Variants in KMT2C observed in about 807,000 individuals in gnomAD.
KMT2C encodes the protein lysine methyltransferase 2C, also known as histone-lysine N-methyltransferase 2C.
Under a neutral mutation model 507.9 loss-of-function variants are expected in KMT2C, and 88 were observed. That is an observed-to-expected ratio of 0.17 (90% CI 0.15 to 0.21). The LOEUF (loss-of-function observed/expected upper bound fraction) is 0.21. Ranked by LOEUF, KMT2C falls within the 10% of genes least tolerant of loss-of-function variation. The pLI is 1.00. For synonymous variants in KMT2C, 2,049 were observed against 2,080.8 expected, an observed-to-expected ratio of 0.98 and a Z score of 0.42; for missense variants, 4,954 against 5,957.8, an observed-to-expected ratio of 0.83 and a Z score of 5.55.
Position 152,315,090 on chromosome 7 carries a change from T to C in KMT2C, c.590+48A>G, listed in dbSNP as rs535839013. 3.0e-5 allele frequency: 43 copies of C among 1,423,404 alleles called. No homozygotes were observed. In the South Asian group the frequency reaches 4.3e-4, roughly 14 times the overall value. 88.2% of individuals were successfully genotyped at this position (1,423,404 alleles called of 1,614,324 possible). On this transcript the variant is annotated intron_variant, in intron 4 of 58. Transcript: ENST00000262189. ...TATAAACATTATAATGGAAATAAAT[T>C]ATATGCAGTCTTAATCTATTCCAAC...
At chr7:152,408,444 T>C (rs1187503479) in intron 1 of KMT2C, among the ~76,000 whole-genome samples, 2 of 152,342 alleles carry the variant, frequency 1.3e-5, no homozygotes, top group East Asian at 1.9e-4. Context: ...GTACTCAGGG[T>C]TCCCCCCACC....
At position 152,138,943 on chromosome 7, in the gene KMT2C, G is replaced by A. The variant is rs2129089364; in HGVS notation, c.14535-39C>T. The A allele has an allele frequency of 6.9e-7, 1 of 1,458,894 alleles. No homozygotes were observed. Among genetic ancestry groups the A allele is most frequent in the Non-Finnish European group, 9.6e-7 (1 of 1,039,734 alleles). 90.4% of individuals were successfully genotyped at this position (1,458,894 alleles called of 1,614,324 possible). On this transcript the variant is annotated intron_variant, in intron 57 of 58. Coordinates refer to ENST00000262189, the MANE Select transcript of KMT2C (RefSeq NM_170606.3). This position sits in a 1 kb window ranked among gnomAD's most constrained non-coding sequence, Gnocchi z 4.2. The stretch of plus-strand genomic sequence containing the variant: ...TGTCAGAAAACTGTATTGTAAAACA[G>A]CTAGAAGCAGCTTTAAAAACTTCCC...
At chr7:152,416,783 G>A (rs1194151125) in intron 1 of KMT2C, among the ~76,000 whole-genome samples, 1 of 150,724 alleles carries the variant, frequency 6.6e-6, no homozygotes, top group Non-Finnish European at 1.5e-5. Context: ...CGGGCACGGT[G>A]GCTCACACCT....
At chr7:152,185,961 T>TAAACATC (rs2093614500) in intron 33 of KMT2C, among the ~76,000 whole-genome samples, 1 of 152,192 alleles carries the variant, frequency 6.6e-6, no homozygotes, top group Non-Finnish European at 1.5e-5. Flanking sequence ...AAGTACAAGT[T>TAAACATC]TGTAAAACAT....
chr7:152,196,080 C>T (rs2093953026), intron 27 of KMT2C, 69 bp from the exon 28 acceptor site: 1 of 852,880 alleles, frequency 1.2e-6, no homozygotes, highest in African/African-American at 1.7e-5. Context: ...TGCTAAAAAC[C>T]TAGAGTACAG....
At chr7:152,423,089 C>G (rs1245517161) in intron 1 of KMT2C, among the ~76,000 whole-genome samples, 1 of 151,192 alleles carries the variant, frequency 6.6e-6, no homozygotes, top group African/African-American at 2.4e-5. Context: ...GCCTGTAATT[C>G]CAAAACTTTG....
At position 152,301,012 on chromosome 7, in the gene KMT2C, C is replaced by T. The variant is rs531872366; in HGVS notation, c.849+8954G>A. 4.3e-4 allele frequency among the ~76,000 whole-genome samples: 65 copies of T among 151,644 alleles called. 1 individual carries two copies. The highest frequency in any genetic ancestry group is 1.5e-3 in the African/African-American group (63 of 41,354). ...GGCAGAGGTTGCAGTAAGCCGAGATCGCGCCACTGCACTCCAGCCTGGTGA... is the reference window on the plus strand; with the variant it reads ...GGCAGAGGTTGCAGTAAGCCGAGATTGCGCCACTGCACTCCAGCCTGGTGA... On this transcript the variant is annotated intron_variant, in intron 6 of 58. Transcript: ENST00000262189.
At chr7:152,373,860 C>T (rs1168281985) in intron 1 of KMT2C, among the ~76,000 whole-genome samples, 2 of 152,004 alleles carry the variant, frequency 1.3e-5, no homozygotes, top group Non-Finnish European at 2.9e-5. Flanking sequence ...ATAAAGTATC[C>T]TGAGACACAA....
At chr7:152,230,622 T>C (rs999754569) in intron 16 of KMT2C, among the ~76,000 whole-genome samples, 3 of 152,164 alleles carry the variant, frequency 2.0e-5, no homozygotes, top group Non-Finnish European at 4.4e-5. Context: ...TAAATGATAA[T>C]ATATGTATGT....
intron 1 of KMT2C, among the ~76,000 whole-genome samples, chr7:152,410,668 GTATATA>G (rs916415354): frequency 3.4e-5 from 5 of 148,552 alleles, no homozygotes; most frequent in South Asian, 2.1e-4. Context: ...ATGAGATTAT[GTATATA>G]TGTATATGTA....
chr7:152,434,256 A>C (rs1351295944), intron 1 of KMT2C, among the ~76,000 whole-genome samples: 1 of 152,220 alleles, frequency 6.6e-6, no homozygotes, highest in African/African-American at 2.4e-5. Flanking sequence ...AATAATGTAC[A>C]CACATCCTGT....
At chr7:152,269,797 A>T (rs2095927172) in intron 7 of KMT2C, among the ~76,000 whole-genome samples, 1 of 152,218 alleles carries the variant, frequency 6.6e-6, no homozygotes, top group Non-Finnish European at 1.5e-5. Context: ...AAAGGGAGCA[A>T]GGTTCTTATG....
At chr7:152,196,615 CTCAGAGGGCTTACTT>C in intron 27 of KMT2C, among the ~76,000 whole-genome samples, 1 of 152,176 alleles carries the variant, frequency 6.6e-6, no homozygotes, top group Non-Finnish European at 1.5e-5. Flanking sequence ...AGTGCCTGCC[CTCAGAGGGCTTACTT>C]TCTCAGGGGG....
intron 14 of KMT2C, among the ~76,000 whole-genome samples, chr7:152,246,148 A>T (rs1407725004): frequency 6.6e-6 from 1 of 152,194 alleles, no homozygotes; most frequent in East Asian, 1.9e-4. Context: ...TGGAAGATCT[A>T]TCTTGTACTA....
At chr7:152,263,208 A>C in intron 8 of KMT2C, 78 bp from the exon 9 acceptor site, 1 of 1,285,484 alleles carries the variant, frequency 7.8e-7, no homozygotes. Flanking sequence ...GAAAATAATC[A>C]GTCCTGGGAA....
rs544407818 is a variant in KMT2C, at chr7:152,418,981, C to T, written c.161+16645G>A. On this transcript the variant is annotated intron_variant, in intron 1 of 58. Transcript: ENST00000262189. ...GGCCAAGGTGGGAGGATCACTTGAG[C>T]CTAGGAGTTTGAGACCAGCCTGGGT... 3.9e-5 allele frequency among the ~76,000 whole-genome samples: 6 copies of T among 152,056 alleles called. No homozygotes were observed. In the East Asian group the frequency reaches 9.6e-4, roughly 24 times the overall value.
intron 42 of KMT2C, 41 bp downstream of exon 42, chr7:152,167,104 AT>A (rs1354161130): frequency 1.4e-6 from 2 of 1,472,504 alleles, no homozygotes; most frequent in Non-Finnish European, 1.9e-6. Flanking sequence ...CATTCTACTC[AT>A]TAATTGTTGG....
intron 1 of KMT2C, among the ~76,000 whole-genome samples, chr7:152,396,923 G>A (rs1039259067): frequency 6.6e-5 from 10 of 152,064 alleles, no homozygotes; most frequent in Non-Finnish European, 5.9e-5. Context: ...ATGTCCACAC[G>A]TACAAATACA....
intron 31 of KMT2C, among the ~76,000 whole-genome samples, 198 bp from the exon 32 acceptor site, chr7:152,188,045 T>C (rs112702795): frequency 4.2e-4 from 64 of 152,272 alleles, no homozygotes; most frequent in African/African-American, 1.1e-3. Context: ...CCAAGCTCCA[T>C]AGGGCCAACA....
Sources: allele counts gnomAD v4.1 joint callset (sites outside exome capture counted in the v4.1 genomes callset), GRCh38; gene constraint gnomAD v4.1.1; non-coding constraint Gnocchi (gnomAD v3.1); transcripts MANE v1.5; gene names NCBI Gene and HGNC (gene_info 2026-07-23, HGNC 2026-07-21).